The following GON4L variants were observed in gnomAD, a reference collection of about 807,000 sequenced individuals.
GON4L encodes gon-4 like.
A neutral mutation model predicts 211.8 loss-of-function variants in GON4L; 87 were observed. That is an observed-to-expected ratio of 0.41 (90% CI 0.35 to 0.49). The LOEUF (loss-of-function observed/expected upper bound fraction) is 0.49, where lower values mean the gene tolerates loss of function less well. Ranked by LOEUF, GON4L falls within the 20% of genes least tolerant of loss-of-function variation. GON4L has a pLI of 0.15. For synonymous variants in GON4L, 875 were observed against 962.6 expected (o/e 0.91, Z 1.68); for missense variants, 2,155 against 2,659.5 (o/e 0.81, Z 4.17).
At chr1:155,838,823 T>C (rs977417751) in intron 2 of GON4L, among the ~76,000 whole-genome samples, 1 of 149,202 alleles carries the variant, frequency 6.7e-6, no homozygotes, top group Non-Finnish European at 1.5e-5. Context: ...TAGGTAAATA[T>C]AATGAGATAA....
rs566863858 is a variant in GON4L, at chr1:155,785,511, G to A, written c.1748-137C>T. Reference sequence around the variant, plus strand: ...ATCTATCCTTCTTTTTTTGAGATGGGTCTCACTATGTCACTCAGGCTGGAG... The same window carrying A: ...ATCTATCCTTCTTTTTTTGAGATGGATCTCACTATGTCACTCAGGCTGGAG... On this transcript the variant is annotated intron_variant, in intron 12 of 31. Coordinates refer to ENST00000368331, the MANE Select transcript of GON4L (RefSeq NM_001282860.2). 4.2e-6 allele frequency: 3 copies of A among 719,746 alleles called. No homozygotes were observed. The South Asian group carries it at 4.3e-5, about 10-fold the overall frequency. The allele number at this position is 719,746 out of a possible 1,614,324, so 44.6% of individuals were successfully genotyped here. A position where few individuals can be genotyped will look rare whatever the true frequency, so the allele number is the denominator to read the frequency against.
chr1:155,788,182 G>A (rs780408721), intron 12 of GON4L, among the ~76,000 whole-genome samples: 5 of 151,714 alleles, frequency 3.3e-5, no homozygotes, highest in African/African-American at 7.3e-5. Flanking sequence ...TAGTAGCGAC[G>A]GTGTTTCACC....
chr1:155,792,991 C>T (rs962539185), intron 12 of GON4L, among the ~76,000 whole-genome samples: 12 of 152,126 alleles, frequency 7.9e-5, no homozygotes, highest in African/African-American at 2.9e-4. Context: ...GTCTTGAACT[C>T]CTGGGCTCAT....
chr1:155,764,805 AT>A, intron 21 of GON4L, 194 bp downstream of exon 21: 1 of 1,385,090 alleles, frequency 7.2e-7, no homozygotes, highest in African/African-American at 1.4e-5. Context: ...AACGAGTTTA[AT>A]ATAATAAGTA....
At chr1:155,768,955 A>C (rs1220941928) in intron 19 of GON4L, among the ~76,000 whole-genome samples, 2 of 152,070 alleles carry the variant, frequency 1.3e-5, no homozygotes, top group Non-Finnish European at 2.9e-5. Flanking sequence ...TTCTGTGCAC[A>C]TCTTTGTACT....
intron 2 of GON4L, among the ~76,000 whole-genome samples, chr1:155,848,341 G>C (rs1278606113): frequency 6.6e-6 from 1 of 152,088 alleles, no homozygotes; most frequent in Admixed American, 6.6e-5. Context: ...CCCTACCCCA[G>C]ATATCTTACA....
Position 155,750,648 on chromosome 1 carries a change from G to A in GON4L, c.6662C>T (p.Thr2221Ile). The change falls in exon 32 of 32, where the codon ACC becomes ATC. Residue 2221 changes from threonine to isoleucine, a missense_variant. This residue lies in a region of GON4L where 186 missense variants were observed against 308.1 expected (regional missense o/e 0.60). Coordinates refer to ENST00000368331, the MANE Select transcript of GON4L (RefSeq NM_001282860.2). ...GTCAGACAGCTGGTCTGCATTGCTGGTACTGGTTGCATCATCCTCATCCTC... is the reference window on the plus strand; with the variant it reads ...GTCAGACAGCTGGTCTGCATTGCTGATACTGGTTGCATCATCCTCATCCTC... The part of the protein sequence containing the change: ...SSEDEDDATS[T>I]SNADQLSDHG... 6.3e-7 allele frequency: 1 copy of A among 1,575,448 alleles called. No individual in the cohort carries two copies. Among genetic ancestry groups the A allele is most frequent in the South Asian group, 1.1e-5 (1 of 87,300 alleles).
At chr1:155,812,238 C>T (rs940383033) in intron 10 of GON4L, among the ~76,000 whole-genome samples, 1 of 152,134 alleles carries the variant, frequency 6.6e-6, no homozygotes, top group African/African-American at 2.4e-5. Flanking sequence ...AAACACACAT[C>T]ACTCTTCCAG....
At chr1:155,826,731 T>C (rs541237522) in intron 3 of GON4L, 106 bp downstream of exon 3, 2 of 773,162 alleles carry the variant, frequency 2.6e-6, no homozygotes, top group Non-Finnish European at 4.4e-6. Flanking sequence ...GTATTAAATT[T>C]GTAAAAATAT....
intron 14 of GON4L, 134 bp downstream of exon 14, chr1:155,783,852 G>T: frequency 6.5e-7 from 1 of 1,527,998 alleles, no homozygotes; most frequent in Non-Finnish European, 8.9e-7. Flanking sequence ...CCTAACTCCT[G>T]ACAGGGCTCT....
chr1:155,817,156 C>T (rs950399608), intron 6 of GON4L, among the ~76,000 whole-genome samples: 1 of 151,984 alleles, frequency 6.6e-6, no homozygotes, highest in African/African-American at 2.4e-5. Flanking sequence ...CCAGGCCTCA[C>T]TAATTTTTTA....
chr1:155,810,001 T>TACATATATAATTATAAATTATATAA (rs1473302853), intron 10 of GON4L, among the ~76,000 whole-genome samples: 3 of 132,522 alleles, frequency 2.3e-5, no homozygotes, highest in Non-Finnish European at 3.2e-5. Flanking sequence ...ATTATATATA[T>TACATATATAATTATAAATTATATAA]ATATATATTT....
intron 27 of GON4L, chr1:155,756,680 T>G (rs1661221197): frequency 2.7e-6 from 1 of 365,212 alleles, no homozygotes; most frequent in East Asian, 6.3e-5. Flanking sequence ...ATCCCAGCAC[T>G]TTGGGAGGCC....
At position 155,750,790 on chromosome 1, in the gene GON4L, GTC is replaced by G. The variant is rs60229363; in HGVS notation, c.6577-59_6577-58del. 1,671 of 1,510,072 alleles carry G rather than the reference GTC, an allele frequency of 1.1e-3. 17 individuals are homozygous for G. In the African/African-American group the frequency reaches 0.02, roughly 18 times the overall value. 93.5% of individuals were successfully genotyped at this position (1,510,072 alleles called of 1,614,324 possible). On this transcript the variant is annotated intron_variant, in intron 31 of 31. Transcript: ENST00000368331. ...CTTTTTTTTTTGTTTTTGAGACGGAGTCTCTCTCTGTTGCTGAGACTGGAGTG... is the reference window on the plus strand; with the variant it reads ...CTTTTTTTTTTGTTTTTGAGACGGAGTCTCTCTGTTGCTGAGACTGGAGTG...
At chr1:155,808,393 C>G (rs976175921) in intron 10 of GON4L, among the ~76,000 whole-genome samples, 4 of 152,170 alleles carry the variant, frequency 2.6e-5, no homozygotes, top group African/African-American at 9.7e-5. Flanking sequence ...TTCCTAAGAC[C>G]TTCATGATCT....
downstream of GON4L, chr1:155,747,857 A>G (rs1324640274): frequency 1.3e-6 from 2 of 1,593,664 alleles, no homozygotes; most frequent in Non-Finnish European, 1.7e-6. Flanking sequence ...GGCGGGGAAT[A>G]ATAACTTGGG....
chr1:155,813,524 AC>A (rs1667971908), intron 10 of GON4L, 109 bp downstream of exon 10: 1 of 822,220 alleles, frequency 1.2e-6, no homozygotes, highest in Admixed American at 2.0e-5. Flanking sequence ...TCAAAGACTA[AC>A]TCTTACTTAT....
chr1:155,793,461 T>A (rs1665793534), intron 12 of GON4L, among the ~76,000 whole-genome samples: 1 of 152,220 alleles, frequency 6.6e-6, no homozygotes, highest in African/African-American at 2.4e-5. Context: ...ACCTTCTCCA[T>A]GTCGTGTATA....
chr1:155,850,996 G>T lies in GON4L; in HGVS notation c.505+2280C>A, dbSNP rs994828771. 4.5e-5 allele frequency among the ~76,000 whole-genome samples: 6 copies of T among 133,192 alleles called. No individual in the cohort carries two copies. The Admixed American group carries it at 4.9e-4, about 11-fold the overall frequency. The allele number at this position is 133,192 out of a possible 152,430, so 87.4% of individuals were successfully genotyped here. A position where few individuals can be genotyped will look rare whatever the true frequency, so the allele number is the denominator to read the frequency against. ...TTGAACCTGGGAGGCGGAGGTTGCA[G>T]TGAGATGAGATCGTGCCACTGCACT... On this transcript the variant is annotated intron_variant, in intron 2 of 31. Coordinates refer to ENST00000368331, the MANE Select transcript of GON4L (RefSeq NM_001282860.2).
Sources: allele counts gnomAD v4.1 joint callset (sites outside exome capture counted in the v4.1 genomes callset), GRCh38; gene constraint gnomAD v4.1.1; regional missense constraint gnomAD v4.1.1; transcripts MANE v1.5; gene names NCBI Gene and HGNC (gene_info 2026-07-23, HGNC 2026-07-21).